The following SMIM7 variants were observed in gnomAD, a reference collection of about 807,000 sequenced individuals.
The protein encoded by SMIM7 is UPF0608 protein C19orf42.
SMIM7 carries 12 observed loss-of-function variants against 13.3 expected under a neutral mutation model. The observed-to-expected ratio is 0.90, with a 90% CI of 0.58 to 1.46. The LOEUF (loss-of-function observed/expected upper bound fraction) is 1.46, where lower values mean the gene tolerates loss of function less well. Among genes scored for constraint, SMIM7 ranks in the 40% most tolerant of loss-of-function variants. The pLI is 0.00. For missense variants in SMIM7, 114 were observed against 94.8 expected (o/e 1.20, Z -0.84); for synonymous variants, 36 against 35.8 (o/e 1.01, Z -0.02).
rs761475759 is a variant in SMIM7, at chr19:16,654,132, G to C, written c.122-7C>G. 8 of 1,612,350 alleles carry C rather than the reference G, an allele frequency of 5.0e-6. No individual in the cohort carries two copies. In the South Asian group the frequency reaches 8.8e-5, roughly 18 times the overall value. On this transcript the variant is annotated splice_polypyrimidine_tract_variant and splice_region_variant and intron_variant, in intron 3 of 4. Transcript: ENST00000487416. ...AATTCCCGGATGTTGTCACCTGGAAGAATCAGAAAGCACTTTTATGGCACA... is the reference window on the plus strand; with the variant it reads ...AATTCCCGGATGTTGTCACCTGGAACAATCAGAAAGCACTTTTATGGCACA...
intron 4 of SMIM7, chr19:16,652,916 G>C (rs1285424097): frequency 6.5e-7 from 1 of 1,550,280 alleles, no homozygotes; most frequent in Non-Finnish European, 8.7e-7. Context: ...TCAGAGTTAT[G>C]GCCCCAGTGC....
chr19:16,653,388 G>A (rs1002120890), intron 4 of SMIM7, among the ~76,000 whole-genome samples: 1 of 152,032 alleles, frequency 6.6e-6, no homozygotes, highest in Admixed American at 6.6e-5. Context: ...TTCAAGACCA[G>A]CCTGACCAAC....
rs769087238 is a variant in SMIM7 at position 16,654,005 on chromosome 19, C to T, written c.212+30G>A. 11 of 1,591,246 alleles carry T rather than the reference C, an allele frequency of 6.9e-6. No individual in the cohort carries two copies. The South Asian group carries it at 1.2e-4, about 18-fold the overall frequency. ...CCTGGAGAAGGAGACTAAGAGACGA[C>T]AGTGAAAGGAAAGGGCAGGCTGGAC... On this transcript the variant is annotated intron_variant, in intron 4 of 4. Transcript: ENST00000487416.
chr19:16,659,238 G>T (rs765793381), intron 3 of SMIM7, 157 bp downstream of exon 3: 3 of 703,788 alleles, frequency 4.3e-6, no homozygotes, highest in South Asian at 3.2e-5. Context: ...AGCCATGATC[G>T]CACCACTGCA....
chr19:16,638,138 G>A lies in SMIM7; in HGVS notation c.*138-6414C>T, dbSNP rs535616643. On this transcript the variant is annotated intron_variant and NMD_transcript_variant, in intron 4 of 4. Coordinates refer to the SMIM7 transcript ENST00000465250. ...AAAAATTAGCCAGGCGTGGTGGTACGCACCTGTAATCTCAGCTACTCAGGA... is the reference window on the plus strand; with the variant it reads ...AAAAATTAGCCAGGCGTGGTGGTACACACCTGTAATCTCAGCTACTCAGGA... Among the ~76,000 whole-genome samples, 10 of 151,630 alleles carry A rather than the reference G, an allele frequency of 6.6e-5. No individual in the cohort carries two copies. In the East Asian group the frequency reaches 1.4e-3, roughly 21 times the overall value.
chr19:16,648,729 G>C (rs189009097), intron 4 of SMIM7, among the ~76,000 whole-genome samples: 4 of 152,284 alleles, frequency 2.6e-5, no homozygotes, highest in Admixed American at 6.5e-5. Flanking sequence ...CGAACTGGCT[G>C]TGCACAGTGG....
chr19:16,646,940 T>A lies in SMIM7; in HGVS notation c.*306A>T. On this transcript the variant is annotated 3_prime_UTR_variant, in exon 5 of 5. Coordinates refer to ENST00000487416, the MANE Select transcript of SMIM7 (RefSeq NM_024104.4). ...CAATCCTTCTGCTCAGATCTCTGGA[T>A]AGAAATGATTTTTCTTTTATCTATG... The A allele has an allele frequency of 2.1e-6, 1 of 472,042 alleles. No homozygotes were observed. 29.2% of individuals were successfully genotyped at this position (472,042 alleles called of 1,614,324 possible). A position where few individuals can be genotyped will look rare whatever the true frequency, so the allele number is the denominator to read the frequency against.
downstream of SMIM7, chr19:16,645,266 C>T (rs1447616818): frequency 6.6e-6 from 1 of 152,206 alleles, no homozygotes; most frequent in African/African-American, 2.4e-5. Flanking sequence ...TGACAGGATT[C>T]TCTTCTGAGA....
At chr19:16,637,368 C>T (rs1451439293) in intron 4 of SMIM7, among the ~76,000 whole-genome samples, 1 of 152,036 alleles carries the variant, frequency 6.6e-6, no homozygotes, top group Non-Finnish European at 1.5e-5. Flanking sequence ...AATACATTAG[C>T]CAGCTGTGGT....
intron 4 of SMIM7, chr19:16,638,726 G>C (rs58414834): frequency 6.6e-6 from 1 of 152,168 alleles, no homozygotes; most frequent in Non-Finnish European, 1.5e-5. Context: ...ACCCAGCTGA[G>C]AAAGTCTTTT....
intron 3 of SMIM7, 88 bp downstream of exon 3, chr19:16,659,307 G>GTT: frequency 1.3e-6 from 1 of 783,436 alleles, no homozygotes; most frequent in Non-Finnish European, 2.0e-6. Flanking sequence ...AAAAAAAAGA[G>GTT]AAAGAAAGAA....
chr19:16,639,070 T>C (rs1264239701), intron 4 of SMIM7: 1 of 151,992 alleles, frequency 6.6e-6, no homozygotes, highest in Admixed American at 6.6e-5. Context: ...AAGATAATAA[T>C]GTAAACTAGA....
intron 4 of SMIM7, chr19:16,634,010 C>CGCTGG (rs1276399403): frequency 1.3e-5 from 2 of 152,130 alleles, no homozygotes; most frequent in African/African-American, 4.8e-5. Context: ...TCCTGTCAAG[C>CGCTGG]GCTGGGATTG....
intron 4 of SMIM7, chr19:16,652,318 C>T (rs2086537336): frequency 1.3e-5 from 2 of 155,414 alleles, no homozygotes; most frequent in Non-Finnish European, 2.8e-5. Flanking sequence ...TCTCCCACCT[C>T]AGCCTCCCGA....
At position 16,647,234 on chromosome 19, in the gene SMIM7, C is replaced by T. The variant is rs754775142; in HGVS notation, c.*12G>A. Reference sequence around the variant, plus strand: ...TCCCGGGAAAGTGAGTTCCTGGTTTCATCGCTGGGATTCAAGAGCCGAACA... The same window carrying T: ...TCCCGGGAAAGTGAGTTCCTGGTTTTATCGCTGGGATTCAAGAGCCGAACA... On this transcript the variant is annotated 3_prime_UTR_variant, in exon 5 of 5. Coordinates refer to ENST00000487416, the MANE Select transcript of SMIM7 (RefSeq NM_024104.4). 1 of 1,613,928 alleles carries T rather than the reference C, an allele frequency of 6.2e-7. No homozygotes were observed. Among genetic ancestry groups the T allele is most frequent in the Non-Finnish European group, 8.5e-7 (1 of 1,180,028 alleles).
chr19:16,654,032 C>T lies in SMIM7; in HGVS notation c.212+3G>A, dbSNP rs2086563611. 1 of 1,613,320 alleles carries T rather than the reference C, an allele frequency of 6.2e-7. No homozygotes were observed. The highest frequency in any genetic ancestry group is 1.3e-5 in the African/African-American group (1 of 75,008). On this transcript the variant is annotated splice_donor_region_variant and intron_variant, in intron 4 of 4. Transcript: ENST00000487416. ...GTGAAAGGAAAGGGCAGGCTGGACT[C>T]ACACAATCATGCAGAACATCATGAA...
chr19:16,636,523 C>T (rs1438902487), intron 4 of SMIM7: 1 of 152,274 alleles, frequency 6.6e-6, no homozygotes, highest in African/African-American at 2.4e-5. Flanking sequence ...GCATGCGCCA[C>T]CACACCCAGC....
rs377411757 is a variant in SMIM7 at position 16,660,122 on chromosome 19, A to G, written c.-12T>C. 2 of 1,614,102 alleles carry G rather than the reference A, an allele frequency of 1.2e-6. No individual in the cohort carries two copies. Among genetic ancestry groups the G allele is most frequent in the Non-Finnish European group, 1.7e-6 (2 of 1,180,018 alleles). ...ATGTCTCCGATCATCGTTACGGCCG[A>G]AGCGTCCGTCAGAACCGGAAGCGGA... On this transcript the variant is annotated 5_prime_UTR_variant, in exon 1 of 5. Coordinates refer to ENST00000487416, the MANE Select transcript of SMIM7 (RefSeq NM_024104.4).
At position 16,659,524 on chromosome 19, in the gene SMIM7, C is replaced by T. The variant is rs2086644287; in HGVS notation, c.69-77G>A. 2.8e-6 allele frequency: 4 copies of T among 1,440,472 alleles called. No homozygotes were observed. In the African/African-American group the frequency reaches 5.6e-5, roughly 20 times the overall value. 89.2% of individuals were successfully genotyped at this position (1,440,472 alleles called of 1,614,324 possible). On this transcript the variant is annotated intron_variant, in intron 2 of 4. Transcript: ENST00000487416. ...GCCCCCTGACCCCCAGCTCAGAAGG[C>T]CACAAACACTAAGTTTCAGCCCTGG...
Sources: allele counts gnomAD v4.1 joint callset (sites outside exome capture counted in the v4.1 genomes callset), GRCh38; gene constraint gnomAD v4.1.1; transcripts MANE v1.5; gene names NCBI Gene and HGNC (gene_info 2026-07-23, HGNC 2026-07-21).